Variants in IGF2BP2 observed in about 807,000 individuals in gnomAD.
The protein encoded by IGF2BP2 is insulin like growth factor 2 mRNA binding protein 2.
IGF2BP2 carries 17 observed loss-of-function variants against 75.8 expected under a neutral mutation model. That is an observed-to-expected ratio of 0.22 (90% confidence interval 0.15 to 0.34). The LOEUF (loss-of-function observed/expected upper bound fraction) is 0.34. Among genes scored for constraint, IGF2BP2 ranks in the 10% least tolerant of loss-of-function variants. The probability of loss-of-function intolerance (pLI) is 1.00; values close to 1 mark genes in which losing one functional copy is unlikely to be tolerated. For synonymous variants in IGF2BP2, 288 were observed against 295.6 expected (o/e 0.97, Z 0.26); for missense variants, 516 against 772.4 (o/e 0.67, Z 3.93).
At chr3:185,682,496 G>T (rs555753384) in intron 7 of IGF2BP2, among the ~76,000 whole-genome samples, 1 of 152,024 alleles carries the variant, frequency 6.6e-6, no homozygotes, top group Non-Finnish European at 1.5e-5. Context: ...TAAATTATCC[G>T]GTCTTTAGTA....
chr3:185,702,749 TCTCTATCTTTAAACA>T (rs1681097491), intron 2 of IGF2BP2, among the ~76,000 whole-genome samples: 1 of 151,988 alleles, frequency 6.6e-6, no homozygotes, highest in African/African-American at 2.4e-5. Context: ...CTCCTCCCCA[TCTCTATCTTTAAACA>T]CTCCTTCACA....
intron 10 of IGF2BP2, among the ~76,000 whole-genome samples, 197 bp from the exon 11 acceptor site, chr3:185,658,606 G>C (rs1287268023): frequency 6.6e-6 from 1 of 152,214 alleles, no homozygotes; most frequent in Admixed American, 6.5e-5. Flanking sequence ...TGCTTGGCAA[G>C]ATGTCCCCTG....
At chr3:185,646,778 G>C (rs1298451202) in intron 15 of IGF2BP2, 4 of 518,092 alleles carry the variant, frequency 7.7e-6, no homozygotes, top group Non-Finnish European at 1.4e-5. Flanking sequence ...CTTTGCTTAA[G>C]CGCTTAACTC....
intron 6 of IGF2BP2, 98 bp downstream of exon 6, chr3:185,689,257 C>T (rs1721576045): frequency 7.8e-7 from 1 of 1,280,792 alleles, no homozygotes; most frequent in Non-Finnish European, 1.1e-6. Flanking sequence ...CAGCCCCCCA[C>T]TGCTGATGTA....
intron 2 of IGF2BP2, among the ~76,000 whole-genome samples, chr3:185,785,789 G>A (rs985075280): frequency 6.6e-6 from 1 of 152,154 alleles, no homozygotes; most frequent in African/African-American, 2.4e-5. Context: ...CCCCAGCCTG[G>A]GTAACAAAGG....
intron 10 of IGF2BP2, among the ~76,000 whole-genome samples, chr3:185,664,001 T>TG (rs1198991280): frequency 1.3e-5 from 2 of 152,220 alleles, no homozygotes; most frequent in Non-Finnish European, 1.5e-5. Flanking sequence ...GTGCTCCCTC[T>TG]GGGCACCAGG....
At chr3:185,767,963 T>C (rs1293248862) in intron 2 of IGF2BP2, 1 of 152,316 alleles carries the variant, frequency 6.6e-6, no homozygotes, top group Admixed American at 6.5e-5. Context: ...CCAATTATAC[T>C]TCTAGGAATA....
chr3:185,750,478 A>C (rs1444605742), intron 2 of IGF2BP2, among the ~76,000 whole-genome samples: 3 of 152,180 alleles, frequency 2.0e-5, no homozygotes, highest in Non-Finnish European at 4.4e-5. Context: ...GACACACCTG[A>C]GTATCTAAAG....
intron 2 of IGF2BP2, among the ~76,000 whole-genome samples, chr3:185,817,595 T>C (rs1377357204): frequency 2.0e-5 from 3 of 152,276 alleles, no homozygotes; most frequent in Admixed American, 6.5e-5. Flanking sequence ...CTGCCTAAAA[T>C]AGAACCCATA....
chr3:185,648,335 C>T (rs369681860), intron 14 of IGF2BP2, among the ~76,000 whole-genome samples: 12 of 151,742 alleles, frequency 7.9e-5, no homozygotes, highest in East Asian at 5.8e-4. Flanking sequence ...TGGTGGCGGG[C>T]GCCTGCAGTC....
intron 2 of IGF2BP2, among the ~76,000 whole-genome samples, chr3:185,779,663 T>C (rs1168048892): frequency 1.3e-5 from 2 of 152,166 alleles, no homozygotes; most frequent in African/African-American, 4.8e-5. Context: ...AGTCACAATT[T>C]ACATTTTAAC....
intron 2 of IGF2BP2, among the ~76,000 whole-genome samples, chr3:185,787,120 C>A (rs562488327): frequency 6.6e-6 from 1 of 151,990 alleles, no homozygotes; most frequent in Non-Finnish European, 1.5e-5. Context: ...TGGTGATGGC[C>A]GGAGGCTGGA....
intron 7 of IGF2BP2, among the ~76,000 whole-genome samples, chr3:185,686,722 A>G (rs915937856): frequency 1.3e-5 from 2 of 152,154 alleles, no homozygotes; most frequent in Non-Finnish European, 2.9e-5. Context: ...ACATGTGGCT[A>G]TTGAACAGTG....
chr3:185,775,635 A>T (rs1199545592), intron 2 of IGF2BP2, among the ~76,000 whole-genome samples: 5 of 152,196 alleles, frequency 3.3e-5, no homozygotes, highest in African/African-American at 9.6e-5. Context: ...GAATGGCAAA[A>T]CATAAGACTA....
At chr3:185,782,279 G>A (rs1272316616) in intron 2 of IGF2BP2, among the ~76,000 whole-genome samples, 1 of 152,098 alleles carries the variant, frequency 6.6e-6, no homozygotes, top group African/African-American at 2.4e-5. Flanking sequence ...TCTTAGATGA[G>A]AAAACAACAG....
At chr3:185,708,963 T>C (rs570437341) in intron 2 of IGF2BP2, among the ~76,000 whole-genome samples, 1 of 152,356 alleles carries the variant, frequency 6.6e-6, no homozygotes, top group African/African-American at 2.4e-5. Flanking sequence ...AATTCTGCTG[T>C]GATGAAGATT....
chr3:185,666,483 A>G (rs567070058), intron 10 of IGF2BP2, among the ~76,000 whole-genome samples: 116 of 152,176 alleles, frequency 7.6e-4, no homozygotes, highest in Middle Eastern at 3.4e-3. Context: ...AAAATACAAA[A>G]ATTAGCCGAA....
intron 7 of IGF2BP2, 37 bp from the exon 8 acceptor site, chr3:185,675,950 C>A: frequency 6.3e-7 from 1 of 1,596,142 alleles, no homozygotes; most frequent in Admixed American, 1.8e-5. Context: ...ACTTCAGATA[C>A]GTATAACGGT....
intron 2 of IGF2BP2, among the ~76,000 whole-genome samples, chr3:185,811,151 G>C (rs941370542): frequency 1.3e-5 from 2 of 151,962 alleles, no homozygotes; most frequent in Non-Finnish European, 2.9e-5. Flanking sequence ...AAAATGTAGG[G>C]TACTTTATAA....
Sources: allele counts gnomAD v4.1 joint callset (sites outside exome capture counted in the v4.1 genomes callset), GRCh38; gene constraint gnomAD v4.1.1; transcripts MANE v1.5; gene names NCBI Gene and HGNC (gene_info 2026-07-23, HGNC 2026-07-21).